GRIP1: variants seen among roughly 807,000 people sequenced by gnomAD.
GRIP1 encodes the protein glutamate receptor-interacting protein 1.
GRIP1 carries 45 observed loss-of-function variants against 129.9 expected under a neutral mutation model. The ratio of observed to expected loss-of-function variants is 0.35; its 90% CI spans 0.27 to 0.44. The LOEUF is 0.44. Ranked by LOEUF, GRIP1 falls within the 20% of genes least tolerant of loss-of-function variation. The pLI, the probability that GRIP1 is intolerant of heterozygous loss-of-function variation, is 1.00. For missense variants in GRIP1, 1,196 were observed against 1,396.8 expected (o/e 0.86, Z 2.29); for synonymous variants, 530 against 520.8 (o/e 1.02, Z -0.24).
intron 1 of GRIP1, among the ~76,000 whole-genome samples, chr12:66,723,316 T>TC (rs2036150290): frequency 2.2e-5 from 2 of 91,362 alleles, no homozygotes; most frequent in African/African-American, 1.0e-4. Flanking sequence ...TTTTTTTTTT[T>TC]TTTTTTTTTT....
At chr12:66,500,739 C>G (rs1016277813) in intron 7 of GRIP1, among the ~76,000 whole-genome samples, 3 of 152,150 alleles carry the variant, frequency 2.0e-5, no homozygotes, top group Non-Finnish European at 4.4e-5. Context: ...GAGGACAAGT[C>G]CAACCTGTGA....
Position 66,515,808 on chromosome 12 carries a change from T to C in GRIP1, c.579-44A>G, listed in dbSNP as rs763795483. ...AATAGTCTTGATTAATTTAGCATAA[T>C]GGGGCTTAGTATTAATAGTCACTTT... On this transcript the variant is annotated intron_variant, in intron 6 of 24. Transcript: ENST00000359742. 7 of 1,551,912 alleles carry C rather than the reference T, an allele frequency of 4.5e-6. No homozygotes were observed. The East Asian group carries it at 1.6e-4, about 35-fold the overall frequency.
intron 1 of GRIP1, among the ~76,000 whole-genome samples, chr12:66,889,671 T>C (rs1055718370): frequency 7.9e-5 from 12 of 152,212 alleles, no homozygotes; most frequent in African/African-American, 2.7e-4. Flanking sequence ...AAAGTTAATA[T>C]CAATTTTCTT....
At chr12:66,941,446 C>A (rs1165998771) in intron 1 of GRIP1, among the ~76,000 whole-genome samples, 3 of 152,300 alleles carry the variant, frequency 2.0e-5, no homozygotes, top group South Asian at 4.1e-4. Context: ...GTTGCCATTT[C>A]TGAAATGTCT....
chr12:66,811,742 T>C (rs1454935406), intron 1 of GRIP1, among the ~76,000 whole-genome samples: 1 of 152,176 alleles, frequency 6.6e-6, no homozygotes, highest in Non-Finnish European at 1.5e-5. Flanking sequence ...TATTTATTTA[T>C]TTATATTTGT....
chr12:66,377,356 C>T (rs1297050943), intron 20 of GRIP1, 71 bp from the exon 21 acceptor site: 1 of 986,044 alleles, frequency 1.0e-6, no homozygotes, highest in African/African-American at 1.6e-5. Context: ...GAGACGGAGT[C>T]TCTCTCTGTC....
intron 24 of GRIP1, among the ~76,000 whole-genome samples, chr12:66,351,715 A>T (rs2054234736): frequency 6.6e-6 from 1 of 152,090 alleles, no homozygotes; most frequent in South Asian, 2.1e-4. Context: ...CCTAGTCCAG[A>T]CTTGAGGTAA....
At chr12:66,470,377 C>T (rs2059403621) in intron 7 of GRIP1, among the ~76,000 whole-genome samples, 1 of 151,950 alleles carries the variant, frequency 6.6e-6, no homozygotes, top group Non-Finnish European at 1.5e-5. Flanking sequence ...ACAGTGCCTT[C>T]ATTTATGTTG....
intron 1 of GRIP1, among the ~76,000 whole-genome samples, chr12:67,048,459 C>T (rs1027344873): frequency 6.6e-6 from 1 of 152,060 alleles, no homozygotes; most frequent in African/African-American, 2.4e-5. Context: ...TATACGCACA[C>T]ACATACATTT....
At chr12:66,383,299 AAACAACAACAACAACAAC>A (rs59263648) in intron 19 of GRIP1, among the ~76,000 whole-genome samples, 3 of 141,316 alleles carry the variant, frequency 2.1e-5, no homozygotes, top group Non-Finnish European at 3.1e-5. Context: ...TCTGTCTCAA[AAACAACAACAACAACAAC>A]AACAACAACA....
At chr12:67,007,819 G>T (rs538570185) in intron 1 of GRIP1, among the ~76,000 whole-genome samples, 1 of 152,022 alleles carries the variant, frequency 6.6e-6, no homozygotes, top group East Asian at 1.9e-4. Flanking sequence ...ATCAACTTGC[G>T]GGAATTTAAC....
At chr12:66,898,508 T>G (rs1001408) in intron 1 of GRIP1, among the ~76,000 whole-genome samples, 2 of 152,054 alleles carry the variant, frequency 1.3e-5, no homozygotes, top group African/African-American at 2.4e-5. Flanking sequence ...TTTTCTAACC[T>G]ATTGATAATT....
intron 14 of GRIP1, among the ~76,000 whole-genome samples, chr12:66,422,898 C>T (rs763226011): frequency 1.7e-3 from 262 of 152,194 alleles, no homozygotes; most frequent in Non-Finnish European, 3.0e-3. Context: ...CTGCCCATCA[C>T]CACCATGCAT....
chr12:66,535,931 G>C (rs979845084), intron 4 of GRIP1, among the ~76,000 whole-genome samples: 5 of 152,052 alleles, frequency 3.3e-5, no homozygotes, highest in Non-Finnish European at 7.4e-5. Context: ...ATGTCAAATA[G>C]GCACCTCAAA....
chr12:66,368,042 A>C (rs946299187), intron 23 of GRIP1, among the ~76,000 whole-genome samples: 1 of 152,230 alleles, frequency 6.6e-6, no homozygotes, highest in Non-Finnish European at 1.5e-5. Flanking sequence ...GATGATGAGA[A>C]GTGAGTGAAA....
chr12:66,739,662 T>C (rs942096680), intron 1 of GRIP1, among the ~76,000 whole-genome samples: 2 of 151,596 alleles, frequency 1.3e-5, no homozygotes, highest in African/African-American at 4.8e-5. Flanking sequence ...GATGGGTTGA[T>C]GGGTGCAGCA....
intron 1 of GRIP1, among the ~76,000 whole-genome samples, chr12:66,827,615 C>T (rs2039442656): frequency 6.6e-6 from 1 of 152,098 alleles, no homozygotes; most frequent in Non-Finnish European, 1.5e-5. Context: ...GAGACAGGTG[C>T]TATGCAGGCC....
intron 1 of GRIP1, among the ~76,000 whole-genome samples, chr12:66,843,607 C>A (rs1192097652): frequency 1.3e-5 from 2 of 152,044 alleles, no homozygotes; most frequent in Non-Finnish European, 2.9e-5. Context: ...TAAAGAAAGA[C>A]ACAGAGGCCA....
chr12:66,859,308 AAC>A lies in GRIP1; in HGVS notation c.58+209740_58+209741del, dbSNP rs1566054712. On this transcript the variant is annotated intron_variant, in intron 1 of 1. Transcript: ENST00000643019. ...ACAAAAAAACAAAAAAACAAAAAAA[AAC>A]CAGTATTAGCCATCACAGAAATAGA... Among the ~76,000 whole-genome samples, 165 of 129,606 alleles carry A rather than the reference AAC, an allele frequency of 1.3e-3. 3 individuals are homozygous for A. Among genetic ancestry groups the A allele is most frequent in the Middle Eastern group, 4.3e-3 (1 of 232 alleles). 85.0% of individuals were successfully genotyped at this position (129,606 alleles called of 152,430 possible).
Sources: allele counts gnomAD v4.1 joint callset (sites outside exome capture counted in the v4.1 genomes callset), GRCh38; gene constraint gnomAD v4.1.1; transcripts MANE v1.5; gene names NCBI Gene and HGNC (gene_info 2026-07-23, HGNC 2026-07-21).